Variants in DST observed in about 807,000 individuals in gnomAD.
DST encodes bullous pemphigoid antigen.
DST carries 253 observed loss-of-function variants against 875.2 expected under a neutral mutation model. That is an observed-to-expected ratio of 0.29 (90% CI 0.26 to 0.32). The LOEUF (loss-of-function observed/expected upper bound fraction) is 0.32. Ranked by LOEUF, DST falls within the 10% of genes least tolerant of loss-of-function variation. The pLI is 1.00. For missense variants in DST, 8,287 were observed against 9,111.6 expected (o/e 0.91, Z 3.68); for synonymous variants, 3,124 against 3,197.1 (o/e 0.98, Z 0.77).
At chr6:56,816,101 A>G (rs933871571) in intron 4 of DST, among the ~76,000 whole-genome samples, 1 of 152,172 alleles carries the variant, frequency 6.6e-6, no homozygotes, top group African/African-American at 2.4e-5. Flanking sequence ...CAAAGGGGCA[A>G]CTTTAGGGTA....
intron 4 of DST, among the ~76,000 whole-genome samples, chr6:56,781,127 G>A (rs2099692803): frequency 6.6e-6 from 1 of 152,128 alleles, no homozygotes; most frequent in Admixed American, 6.5e-5. Flanking sequence ...GGTTACTGTA[G>A]CCTTGTAGTA....
At chr6:56,638,897 G>A (rs1021938764) in intron 22 of DST, 21 of 325,462 alleles carry the variant, frequency 6.5e-5, no homozygotes, top group Non-Finnish European at 1.1e-4. Flanking sequence ...ATGGATTAGA[G>A]GTAATCTCTC....
At chr6:56,871,253 T>C (rs1227955435) in intron 3 of DST, 1 of 774,888 alleles carries the variant, frequency 1.3e-6, no homozygotes, top group Non-Finnish European at 2.4e-6. Context: ...GAGGTTCAAA[T>C]CTTCGTGTTC....
intron 49 of DST, among the ~76,000 whole-genome samples, chr6:56,591,699 G>A (rs920312544): frequency 2.0e-5 from 3 of 152,150 alleles, no homozygotes; most frequent in Non-Finnish European, 4.4e-5. Flanking sequence ...AAGGCTGGGC[G>A]CGGTGGTTCA....
intron 69 of DST, among the ~76,000 whole-genome samples, chr6:56,520,560 A>T (rs571190091): frequency 6.6e-6 from 1 of 151,880 alleles, no homozygotes; most frequent in Non-Finnish European, 1.5e-5. Flanking sequence ...AGAGGATACA[A>T]TGGGATCTCT....
intron 5 of DST, among the ~76,000 whole-genome samples, chr6:56,708,073 G>T (rs2099348401): frequency 6.6e-6 from 1 of 152,110 alleles, no homozygotes; most frequent in South Asian, 2.1e-4. Context: ...CTCCAGCCTG[G>T]GCAAAAGAGT....
chr6:56,464,495 G>A (rs1372768727), intron 100 of DST, 190 bp downstream of exon 100: 1 of 599,458 alleles, frequency 1.7e-6, no homozygotes, highest in Admixed American at 3.0e-5. Flanking sequence ...TATAACACCT[G>A]CATGTGTAAC....
intron 31 of DST, among the ~76,000 whole-genome samples, chr6:56,629,689 A>G (rs1172110790): frequency 6.6e-6 from 1 of 152,212 alleles, no homozygotes; most frequent in East Asian, 1.9e-4. Flanking sequence ...TCAACAAAAT[A>G]AAATATATTC....
At position 56,469,684 on chromosome 6, in the gene DST, A is replaced by G. The variant is rs977930257; in HGVS notation, c.22551+199T>C. Among the ~76,000 whole-genome samples the G allele has an allele frequency of 2.0e-5, 3 of 152,150 alleles. No individual in the cohort carries two copies. The South Asian group carries it at 6.2e-4, about 32-fold the overall frequency. ...AATGTGCATGATGTAGATGTCAAAG[A>G]TATTTCCTAATATGCAAAATGCAGG... is the stretch of plus-strand genomic sequence containing the variant. On this transcript the variant is annotated intron_variant, in intron 97 of 103. Coordinates refer to ENST00000680361, the MANE Select transcript of DST (RefSeq NM_001374736.1).
chr6:56,739,463 AT>A (rs1297710412), intron 4 of DST, among the ~76,000 whole-genome samples: 2 of 152,106 alleles, frequency 1.3e-5, no homozygotes, highest in Non-Finnish European at 2.9e-5. Context: ...CTATCTGGTC[AT>A]TTAATGAGTC....
intron 49 of DST, among the ~76,000 whole-genome samples, chr6:56,581,879 T>G (rs2098007630): frequency 6.6e-6 from 1 of 152,302 alleles, no homozygotes; most frequent in South Asian, 2.1e-4. Context: ...TACCTATACT[T>G]TCTCCTGGGG....
intron 4 of DST, among the ~76,000 whole-genome samples, chr6:56,803,743 T>C (rs1300869945): frequency 6.6e-6 from 1 of 152,224 alleles, no homozygotes. Context: ...TTTTACATTA[T>C]TCTAAGATGC....
intron 55 of DST, 88 bp from the exon 56 acceptor site, chr6:56,562,288 C>T (rs530842281): frequency 1.4e-4 from 82 of 588,454 alleles, no homozygotes; most frequent in Non-Finnish European, 2.1e-4. Context: ...ACCCCATCAA[C>T]AGTAATCACA....
Position 56,850,341 on chromosome 6 carries a change from C to G in DST, c.625+1056G>C, listed in dbSNP as rs542548105. On this transcript the variant is annotated intron_variant, in intron 4 of 103. Coordinates refer to ENST00000680361, the MANE Select transcript of DST (RefSeq NM_001374736.1). ...TCTCAGCTGCCTTGATGGCCGGAAT[C>G]TGGGCTGGTCCCCTCCAGCCCCCTT... 2.7e-5 allele frequency among the ~76,000 whole-genome samples: 4 copies of G among 147,300 alleles called. No individual in the cohort carries two copies. In the Admixed American group the frequency reaches 2.7e-4, roughly 10 times the overall value.
chr6:56,726,895 C>A (rs898467852), intron 5 of DST, among the ~76,000 whole-genome samples: 4 of 152,166 alleles, frequency 2.6e-5, no homozygotes, highest in African/African-American at 9.7e-5. Context: ...GCCGCAGATG[C>A]ATTGTTTCTT....
At chr6:56,484,272 G>A (rs2095492509) in intron 88 of DST, 1 of 152,038 alleles carries the variant, frequency 6.6e-6, no homozygotes, top group Admixed American at 6.5e-5. Flanking sequence ...TATAAGCAAA[G>A]CCATGTGATT....
At position 56,938,106 on chromosome 6, in the gene DST, CTCTATA is replaced by C. The variant is rs1225666623; in HGVS notation, c.216+15673_216+15678del. On this transcript the variant is annotated intron_variant, in intron 2 of 103. Coordinates refer to ENST00000680361, the MANE Select transcript of DST (RefSeq NM_001374736.1). ...TTTCTCTCTCTCTCTCTCTCTCTCT[CTCTATA>C]TATATATATATATATATATGTTTAA... 2.7e-3 allele frequency among the ~76,000 whole-genome samples: 81 copies of C among 30,052 alleles called. 1 individual carries two copies. The highest frequency in any genetic ancestry group is 0.014 in the Middle Eastern group (1 of 70). The allele number at this position is 30,052 out of a possible 152,430, so 19.7% of individuals were successfully genotyped here.
At chr6:56,635,131 G>C (rs112679703) in intron 24 of DST, among the ~76,000 whole-genome samples, 178 bp from the exon 25 acceptor site, 58 of 151,920 alleles carry the variant, frequency 3.8e-4, no homozygotes, top group African/African-American at 1.2e-3. Context: ...TGGTTTGTTT[G>C]GTTTTCTTTT....
At chr6:56,615,422 C>G in intron 36 of DST, 1 of 1,585,250 alleles carries the variant, frequency 6.3e-7, no homozygotes, top group African/African-American at 1.3e-5. Context: ...TTACATAATT[C>G]ACAGACTGCA....
Sources: gnomAD v4.1 joint callset for allele counts (sites outside exome capture counted in the v4.1 genomes callset) on GRCh38, gnomAD v4.1.1 for gene constraint, MANE v1.5 for transcripts, NCBI Gene and HGNC (gene_info 2026-07-23, HGNC 2026-07-21) for gene names.